Variants in GNA12 observed in about 807,000 individuals in gnomAD.
The protein encoded by GNA12 is G protein subunit alpha 12.
A neutral mutation model predicts 26.0 loss-of-function variants in GNA12; 9 were observed. That is an observed-to-expected ratio of 0.35 (90% confidence interval 0.21 to 0.60). The LOEUF (loss-of-function observed/expected upper bound fraction) is 0.60. Among genes scored for constraint, GNA12 ranks in the 20% least tolerant of loss-of-function variants. The probability of loss-of-function intolerance (pLI) is 0.78; values close to 1 mark genes in which losing one functional copy is unlikely to be tolerated. For missense variants in GNA12, 405 were observed against 525.8 expected (o/e 0.77, Z 2.25); for synonymous variants, 264 against 219.6 (o/e 1.20, Z -1.79).
intron 2 of GNA12, among the ~76,000 whole-genome samples, chr7:2,735,020 C>T (rs776876945): frequency 4.6e-5 from 7 of 152,296 alleles, no homozygotes; most frequent in Admixed American, 1.3e-4. Context: ...GCCGCCTTCC[C>T]GTGGCTGTGC....
chr7:2,772,055 A>G (rs895258639), intron 2 of GNA12, among the ~76,000 whole-genome samples: 2 of 152,096 alleles, frequency 1.3e-5, no homozygotes, highest in African/African-American at 4.8e-5. Flanking sequence ...TTCATGTGTT[A>G]TTTGCTTCAG....
intron 2 of GNA12, among the ~76,000 whole-genome samples, chr7:2,739,321 GCTTT>G (rs147052542): frequency 0.011 from 1,686 of 152,292 alleles, 34 homozygotes; most frequent in African/African-American, 0.038. Context: ...ACACGAATCT[GCTTT>G]CTGTCTCCAT....
chr7:2,763,215 CACACACACACACA>C, intron 2 of GNA12: 1 of 437,074 alleles, frequency 2.3e-6, no homozygotes, highest in Non-Finnish European at 3.3e-6. Context: ...CACACACACA[CACACACACACACA>C]CACGGTCTCA....
intron 2 of GNA12, among the ~76,000 whole-genome samples, chr7:2,774,676 C>T (rs1214796905): frequency 6.6e-6 from 1 of 152,230 alleles, no homozygotes; most frequent in African/African-American, 2.4e-5. Context: ...ACACGTGTCA[C>T]TGAATCTTCA....
In GNA12 at chr7:2,731,132, G is replaced by T; in HGVS notation, c.*49C>A. 1 of 1,295,986 alleles carries T rather than the reference G, an allele frequency of 7.7e-7. No homozygotes were observed. 80.3% of individuals were successfully genotyped at this position (1,295,986 alleles called of 1,614,324 possible). A position where few individuals can be genotyped will look rare whatever the true frequency, so the allele number is the denominator to read the frequency against. ...ACAACACACACCCAAGAGTCTGACC[G>T]ACAGCCGTGGGGGCTGCTCAACGAC... On this transcript the variant is annotated 3_prime_UTR_variant, in exon 4 of 4. Coordinates refer to ENST00000275364, the MANE Select transcript of GNA12 (RefSeq NM_007353.3). The surrounding 1 kb of genome is among the most constrained non-coding windows in gnomAD (Gnocchi z 6.0).
intron 2 of GNA12, among the ~76,000 whole-genome samples, chr7:2,736,803 G>A (rs114622776): frequency 0.011 from 1,664 of 152,320 alleles, 33 homozygotes; most frequent in African/African-American, 0.038. Flanking sequence ...CAGCAGCCTC[G>A]CCCGTCACCT....
chr7:2,838,549 G>A lies in GNA12; in HGVS notation c.309+5304C>T, dbSNP rs116883622. On this transcript the variant is annotated intron_variant, in intron 1 of 3. Coordinates refer to ENST00000275364, the MANE Select transcript of GNA12 (RefSeq NM_007353.3). ...CAGTGAGCCATGATCGTGCCACTGC[G>A]CTTCAGCCTAGGCAATAGCAAAAGA... Among the ~76,000 whole-genome samples the A allele has an allele frequency of 4.7e-3, 721 of 152,194 alleles. 3 individuals carry two copies. The highest frequency in any genetic ancestry group is 8.3e-3 in the Non-Finnish European group (565 of 68,006).
At chr7:2,735,456 CACACG>C (rs1430923659) in intron 2 of GNA12, among the ~76,000 whole-genome samples, 1 of 107,164 alleles carries the variant, frequency 9.3e-6, no homozygotes, top group Non-Finnish European at 2.0e-5. Context: ...AAGCCCTGGA[CACACG>C]TGCTCCGCCC....
chr7:2,753,188 T>C (rs1432371345), intron 2 of GNA12, among the ~76,000 whole-genome samples: 1 of 152,046 alleles, frequency 6.6e-6, no homozygotes, highest in African/African-American at 2.4e-5. Flanking sequence ...AGGGTCTTAC[T>C]GTGTTGCCCA....
chr7:2,804,128 A>C (rs2533883), intron 1 of GNA12, among the ~76,000 whole-genome samples: 87,925 of 152,002 alleles, frequency 0.58, 25,749 homozygotes, highest in Non-Finnish European at 0.63. Flanking sequence ...TGAGAACACA[A>C]ACACACAAAA....
chr7:2,762,789 G>A (rs756535712), intron 2 of GNA12: 16 of 1,539,914 alleles, frequency 1.0e-5, no homozygotes, highest in African/African-American at 1.4e-5. Context: ...GTACAAAAGG[G>A]AGGAGGAGCA....
intron 2 of GNA12, among the ~76,000 whole-genome samples, chr7:2,747,588 G>A (rs1043374242): frequency 1.3e-5 from 2 of 152,160 alleles, no homozygotes; most frequent in Non-Finnish European, 1.5e-5. Context: ...AAAACTGGAA[G>A]CATTCCCTTT....
intron 1 of GNA12, among the ~76,000 whole-genome samples, chr7:2,822,642 G>T (rs1332043326): frequency 6.6e-6 from 1 of 152,152 alleles, no homozygotes; most frequent in Admixed American, 6.5e-5. Context: ...AACATAGTGA[G>T]TCCTTGTTTC....
Position 2,730,908 on chromosome 7 carries a change from G to T in GNA12, c.*273C>A, listed in dbSNP as rs1005982075. 7.2e-6 allele frequency: 3 copies of T among 416,070 alleles called. No individual in the cohort carries two copies. The highest frequency in any genetic ancestry group is 5.9e-5 in the African/African-American group (3 of 51,010). The allele number at this position is 416,070 out of a possible 1,614,324, so 25.8% of individuals were successfully genotyped here. A position where few individuals can be genotyped will look rare whatever the true frequency, so the allele number is the denominator to read the frequency against. ...GAACGTTTCTGTAAAAGCAAAGCAA[G>T]CTGTGTGATTAGGTGTTCCGTATTC... On this transcript the variant is annotated 3_prime_UTR_variant, in exon 4 of 4. Coordinates refer to ENST00000275364, the MANE Select transcript of GNA12 (RefSeq NM_007353.3).
chr7:2,803,267 C>T (rs1322489028), intron 1 of GNA12, among the ~76,000 whole-genome samples: 5 of 152,170 alleles, frequency 3.3e-5, no homozygotes, highest in Non-Finnish European at 5.9e-5. Context: ...GAATCGCCAC[C>T]GCTGGTGAGG....
intron 2 of GNA12, among the ~76,000 whole-genome samples, chr7:2,739,590 A>T (rs1352466854): frequency 6.6e-6 from 1 of 152,230 alleles, no homozygotes; most frequent in Non-Finnish European, 1.5e-5. Context: ...ACAGTGCTAC[A>T]AACAGCTGTG....
intron 2 of GNA12, among the ~76,000 whole-genome samples, chr7:2,756,800 A>G (rs1447097202): frequency 6.6e-6 from 1 of 152,108 alleles, no homozygotes; most frequent in African/African-American, 2.4e-5. Flanking sequence ...AGTTAGTCAA[A>G]GAGGAGGTGC....
chr7:2,835,704 G>C, intron 1 of GNA12: 1 of 999,796 alleles, frequency 1.0e-6, no homozygotes, highest in South Asian at 1.3e-5. Flanking sequence ...AATTTGCATG[G>C]AATACAAGTA....
intron 3 of GNA12, among the ~76,000 whole-genome samples, chr7:2,732,185 C>T (rs1789930631): frequency 6.6e-6 from 1 of 152,102 alleles, no homozygotes; most frequent in Admixed American, 6.6e-5. Flanking sequence ...TAATGTTATT[C>T]TTAGACAATT....
Sources: allele counts gnomAD v4.1 joint callset (sites outside exome capture counted in the v4.1 genomes callset), GRCh38; gene constraint gnomAD v4.1.1; non-coding constraint Gnocchi (gnomAD v3.1); transcripts MANE v1.5; gene names NCBI Gene and HGNC (gene_info 2026-07-23, HGNC 2026-07-21).